The following RFX8 variants were observed in gnomAD, a reference collection of about 807,000 sequenced individuals.
RFX8 encodes DNA-binding protein RFX8.
Under a neutral mutation model 54.6 loss-of-function variants are expected in RFX8, and 46 were observed. The observed-to-expected ratio is 0.84, with a 90% CI of 0.67 to 1.08. The LOEUF (loss-of-function observed/expected upper bound fraction) is 1.08. Among genes scored for constraint, RFX8 ranks in the 50% least tolerant of loss-of-function variants. The probability of loss-of-function intolerance (pLI) is 0.00; values close to 1 mark genes in which losing one functional copy is unlikely to be tolerated. For missense variants in RFX8, 536 were observed against 562.3 expected, an observed-to-expected ratio of 0.95 and a Z score of 0.47; for synonymous variants, 192 against 209.5, an observed-to-expected ratio of 0.92 and a Z score of 0.72.
intron 2 of RFX8, among the ~76,000 whole-genome samples, chr2:101,440,356 G>A (rs201937259): frequency 1.3e-5 from 2 of 152,152 alleles, no homozygotes; most frequent in African/African-American, 2.4e-5. Context: ...GGCTCCCTGT[G>A]CCTAGACTGT....
Position 101,447,084 on chromosome 2 carries a change from T to C in RFX8, c.72+19693A>G, listed in dbSNP as rs188377472. Among the ~76,000 whole-genome samples the C allele has an allele frequency of 3.3e-5, 5 of 152,262 alleles. No individual in the cohort carries two copies. The East Asian group carries it at 9.7e-4, about 29-fold the overall frequency. On this transcript the variant is annotated intron_variant, in intron 2 of 11. Coordinates refer to ENST00000428343, the MANE Select transcript of RFX8 (RefSeq NM_001145664.2). ...TTTGAGGTTGAGTTTGAGGTTTAGG[T>C]GGGACAGGCTTGACTGAATCATCTC... is the stretch of plus-strand genomic sequence containing the variant.
intron 2 of RFX8, among the ~76,000 whole-genome samples, chr2:101,435,644 C>T (rs1476777767): frequency 6.6e-6 from 1 of 152,104 alleles, no homozygotes; most frequent in African/African-American, 2.4e-5. Flanking sequence ...TGGATTCTTC[C>T]CTGAATTTCT....
intron 11 of RFX8, among the ~76,000 whole-genome samples, chr2:101,401,806 G>A (rs73943463): frequency 6.6e-6 from 1 of 152,260 alleles, no homozygotes; most frequent in Admixed American, 6.5e-5. Flanking sequence ...AGATCAGGCA[G>A]GCTGGGGCTC....
In RFX8 at chr2:101,410,703, GT is replaced by G. The variant is rs1686074743; in HGVS notation, c.728del (p.Asn243ThrfsTer2). 6.6e-7 allele frequency: 1 copy of G among 1,522,584 alleles called. No homozygotes were observed. Among genetic ancestry groups the G allele is most frequent in the Non-Finnish European group, 8.9e-7 (1 of 1,121,522 alleles). 94.3% of individuals were successfully genotyped at this position (1,522,584 alleles called of 1,614,324 possible). A position where few individuals can be genotyped will look rare whatever the true frequency, so the allele number is the denominator to read the frequency against. On this transcript the variant is annotated frameshift_variant, in exon 9 of 12. Transcript: ENST00000428343. LOFTEE classifies it high-confidence loss of function. ...TTGATGTTCCCAGCAAAGAAATTAA[GT>G]TTCTTAAACCTACAAAGACACAAAA... is the stretch of plus-strand genomic sequence containing the variant. ...ENNPEMKCLR[N>X]LISLLGTSTD...
chr2:101,402,255 G>A (rs1008842488), intron 11 of RFX8, among the ~76,000 whole-genome samples, 181 bp downstream of exon 11: 3 of 152,236 alleles, frequency 2.0e-5, no homozygotes, highest in Non-Finnish European at 4.4e-5. Flanking sequence ...ACAAACCTGA[G>A]CTGACCAGTA....
chr2:101,440,482 G>A (rs1037625850), intron 2 of RFX8, among the ~76,000 whole-genome samples: 4 of 152,166 alleles, frequency 2.6e-5, no homozygotes, highest in Non-Finnish European at 5.9e-5. Flanking sequence ...TTTAGGTGCC[G>A]AGTCGCTAAC....
chr2:101,422,463 G>T lies in RFX8; in HGVS notation c.82C>A (p.His28Asn). The T allele has an allele frequency of 6.5e-7, 1 of 1,535,928 alleles. No homozygotes were observed. Among genetic ancestry groups the T allele is most frequent in the South Asian group, 1.2e-5 (1 of 83,710 alleles). ...ACTGGGTCTGTCTTCATCGGTGAAT[G>T]ATCTTCACACTAAAAATCATTTGTG... Reference protein sequence around the residue: ...NPATFGKCEDHSPMKTDPVGS... With the variant: ...NPATFGKCEDNSPMKTDPVGS... Residue 28 changes from histidine to asparagine, a missense_variant, in exon 3 of 12, where the codon CAT (histidine) becomes AAT (asparagine). Coordinates refer to ENST00000428343, the MANE Select transcript of RFX8 (RefSeq NM_001145664.2).
chr2:101,428,839 T>G, intron 2 of RFX8: 1 of 677,678 alleles, frequency 1.5e-6, no homozygotes, highest in Non-Finnish European at 2.6e-6. Context: ...GGTGAATGGT[T>G]AGGGGCTACC....
intron 2 of RFX8, among the ~76,000 whole-genome samples, chr2:101,449,470 G>T (rs529053230): frequency 6.6e-6 from 1 of 152,192 alleles, no homozygotes; most frequent in South Asian, 2.1e-4. Context: ...AACTTAAAGA[G>T]AAAAGTTAAC....
intron 2 of RFX8, among the ~76,000 whole-genome samples, chr2:101,458,932 CT>C (rs1181436538): frequency 2.6e-5 from 4 of 152,080 alleles, no homozygotes; most frequent in African/African-American, 4.8e-5. Flanking sequence ...TTTCTCTAAT[CT>C]TGTCTTTTCA....
chr2:101,465,970 A>G (rs1474583889), intron 2 of RFX8, among the ~76,000 whole-genome samples: 1 of 152,252 alleles, frequency 6.6e-6, no homozygotes, highest in Non-Finnish European at 1.5e-5. Context: ...ATATGTGAGC[A>G]GCCTCCATAT....
chr2:101,451,287 C>G (rs1191130016), intron 2 of RFX8, among the ~76,000 whole-genome samples: 2 of 152,180 alleles, frequency 1.3e-5, no homozygotes, highest in African/African-American at 4.8e-5. Context: ...TGTCTTCTCG[C>G]TGATTTCCCC....
chr2:101,460,966 C>T (rs1042498593), intron 2 of RFX8, among the ~76,000 whole-genome samples: 2 of 151,498 alleles, frequency 1.3e-5, no homozygotes, highest in Non-Finnish European at 2.9e-5. Context: ...TCAAAATGTA[C>T]GGGAGAAAAA....
chr2:101,451,655 C>T (rs1248341570), intron 2 of RFX8, among the ~76,000 whole-genome samples: 1 of 145,170 alleles, frequency 6.9e-6, no homozygotes, highest in Non-Finnish European at 1.5e-5. Context: ...CGCCATTGCA[C>T]TCCAGCCTGG....
Position 101,445,032 on chromosome 2 carries a change from T to C in RFX8, c.72+21745A>G, listed in dbSNP as rs1289100352. ...AGTATCTGCTCTTATCCACATGTAG[T>C]ATTGCATAGTGTGCTGCTGCTTCTT... On this transcript the variant is annotated intron_variant, in intron 2 of 11. Transcript: ENST00000428343. Among the ~76,000 whole-genome samples, 24 of 152,224 alleles carry C rather than the reference T, an allele frequency of 1.6e-4. 1 individual carries two copies. Among genetic ancestry groups the C allele is most frequent in the Non-Finnish European group, 2.9e-5 (2 of 68,034 alleles).
intron 5 of RFX8, 73 bp downstream of exon 5, chr2:101,418,778 T>G (rs1437393503): frequency 1.2e-6 from 1 of 864,874 alleles, no homozygotes; most frequent in East Asian, 2.7e-5. Context: ...GAGGTGGAGC[T>G]GTGGGTCCAA....
At chr2:101,403,280 G>T (rs1349241630) in intron 10 of RFX8, among the ~76,000 whole-genome samples, 1 of 152,160 alleles carries the variant, frequency 6.6e-6, no homozygotes, top group Non-Finnish European at 1.5e-5. Context: ...TGTGAGAGGC[G>T]TCTTCTCAGG....
At chr2:101,442,241 C>T (rs1688139601) in intron 2 of RFX8, among the ~76,000 whole-genome samples, 1 of 152,146 alleles carries the variant, frequency 6.6e-6, no homozygotes, top group African/African-American at 2.4e-5. Flanking sequence ...CAGATGGAGG[C>T]CTGATTTTTG....
Position 101,400,142 on chromosome 2 carries a change from C to A in RFX8, c.1245+2294G>T, listed in dbSNP as rs573288198. On this transcript the variant is annotated intron_variant, in intron 11 of 11. Transcript: ENST00000428343. Reference sequence around the variant, plus strand: ...TGTCAGCGTCTGCTCTTCACGCCTTCTAACTGTGGCTGAAGACGTAAAAGC... The same window carrying A: ...TGTCAGCGTCTGCTCTTCACGCCTTATAACTGTGGCTGAAGACGTAAAAGC... 1.4e-4 allele frequency among the ~76,000 whole-genome samples: 22 copies of A among 152,320 alleles called. No homozygotes were observed. The East Asian group carries it at 4.2e-3, about 29-fold the overall frequency.
Sources: gnomAD v4.1 joint callset for allele counts (sites outside exome capture counted in the v4.1 genomes callset) on GRCh38, gnomAD v4.1.1 for gene constraint, MANE v1.5 for transcripts, NCBI Gene and HGNC (gene_info 2026-07-23, HGNC 2026-07-21) for gene names.